The following DENND4C variants were observed in gnomAD, a reference collection of about 807,000 sequenced individuals.
DENND4C encodes the protein DENN domain-containing protein 4C.
A neutral mutation model predicts 203.0 loss-of-function variants in DENND4C; 108 were observed. That is an observed-to-expected ratio of 0.53 (90% CI 0.46 to 0.62). The LOEUF (loss-of-function observed/expected upper bound fraction) is 0.62, where lower values mean the gene tolerates loss of function less well. Among genes scored for constraint, DENND4C ranks in the 20% least tolerant of loss-of-function variants. The probability of loss-of-function intolerance (pLI) is 0.00; values close to 1 mark genes in which losing one functional copy is unlikely to be tolerated. For missense variants in DENND4C, 2,481 were observed against 2,301.2 expected (o/e 1.08, Z -1.60); for synonymous variants, 871 against 792.4 (o/e 1.10, Z -1.67).
At chr9:19,259,235 G>GC (rs1217925730) in intron 1 of DENND4C, among the ~76,000 whole-genome samples, 27 of 150,530 alleles carry the variant, frequency 1.8e-4, no homozygotes, top group African/African-American at 5.4e-4. Flanking sequence ...TCTCCATTCC[G>GC]CCCCCGCCAC....
At chr9:19,241,999 TG>T (rs1231443028) in intron 1 of DENND4C, among the ~76,000 whole-genome samples, 4 of 152,306 alleles carry the variant, frequency 2.6e-5, no homozygotes, top group East Asian at 3.9e-4. Context: ...GAGACCAGCC[TG>T]GGCAACATGT....
intron 1 of DENND4C, among the ~76,000 whole-genome samples, chr9:19,240,051 C>A (rs1823279245): frequency 6.6e-6 from 1 of 152,144 alleles, no homozygotes; most frequent in Admixed American, 6.6e-5. Context: ...GTTTATTTCT[C>A]CTTTCAGGTA....
At chr9:19,245,628 G>C (rs1157249500) in intron 1 of DENND4C, among the ~76,000 whole-genome samples, 1 of 152,050 alleles carries the variant, frequency 6.6e-6, no homozygotes, top group Non-Finnish European at 1.5e-5. Context: ...AGGCCGAGGC[G>C]GGTGGATCAC....
intron 26 of DENND4C, among the ~76,000 whole-genome samples, chr9:19,354,594 G>A (rs1290096538): frequency 8.5e-6 from 1 of 117,744 alleles, no homozygotes; most frequent in Non-Finnish European, 1.6e-5. Flanking sequence ...CACTCTTGTC[G>A]CCCAGGCTGG....
At chr9:19,356,521 G>C (rs985175380) in intron 26 of DENND4C, among the ~76,000 whole-genome samples, 1 of 151,720 alleles carries the variant, frequency 6.6e-6, no homozygotes, top group Non-Finnish European at 1.5e-5. Flanking sequence ...GAAATGATTA[G>C]AAACAAGATG....
chr9:19,256,534 C>CG (rs1828014622), intron 1 of DENND4C, among the ~76,000 whole-genome samples: 1 of 151,666 alleles, frequency 6.6e-6, no homozygotes, highest in African/African-American at 2.4e-5. Flanking sequence ...AGGCTGGTCA[C>CG]GAGCTCCCAA....
chr9:19,270,225 C>A (rs1015037525), intron 1 of DENND4C, among the ~76,000 whole-genome samples: 1 of 152,204 alleles, frequency 6.6e-6, no homozygotes, highest in African/African-American at 2.4e-5. Context: ...GAAACCAGCA[C>A]AGTACTGAGT....
At chr9:19,317,520 A>G (rs1487314465) in intron 12 of DENND4C, among the ~76,000 whole-genome samples, 3 of 152,134 alleles carry the variant, frequency 2.0e-5, no homozygotes, top group Admixed American at 2.0e-4. Context: ...ATCTATATCA[A>G]TATTTATGTG....
chr9:19,274,495 A>T (rs867275033), intron 1 of DENND4C, among the ~76,000 whole-genome samples: 3 of 152,142 alleles, frequency 2.0e-5, no homozygotes, highest in Non-Finnish European at 2.9e-5. Flanking sequence ...GGATTTCTCC[A>T]TGTTGATCAG....
intron 32 of DENND4C, 25 bp from the exon 33 acceptor site, chr9:19,372,012 C>T: frequency 6.3e-7 from 1 of 1,598,664 alleles, no homozygotes; most frequent in Non-Finnish European, 8.5e-7. Flanking sequence ...CAAATTACAA[C>T]TTCATTTTTG....
intron 5 of DENND4C, among the ~76,000 whole-genome samples, chr9:19,295,034 T>C (rs1220123536): frequency 6.6e-6 from 1 of 152,132 alleles, no homozygotes; most frequent in Non-Finnish European, 1.5e-5. Context: ...TTGAAAATGG[T>C]TAAAGTGGTA....
At chr9:19,336,487 G>A in intron 19 of DENND4C, 73 bp downstream of exon 19, 2 of 1,512,496 alleles carry the variant, frequency 1.3e-6, no homozygotes, top group Non-Finnish European at 1.8e-6. Flanking sequence ...TTTTAGCTAT[G>A]TGAAGTAGAA....
chr9:19,298,222 A>G (rs1837850590), intron 7 of DENND4C, 100 bp downstream of exon 7: 3 of 984,472 alleles, frequency 3.0e-6, no homozygotes, highest in East Asian at 2.5e-5. Flanking sequence ...GTGGAGCAAT[A>G]TGCATTCATA....
chr9:19,289,778 G>A (rs978439984), intron 4 of DENND4C, among the ~76,000 whole-genome samples: 32 of 143,880 alleles, frequency 2.2e-4, no homozygotes, highest in Admixed American at 1.5e-3. Flanking sequence ...GCAGTGAGCC[G>A]AGATCACACC....
At chr9:19,330,559 C>T (rs987523064) in intron 16 of DENND4C, among the ~76,000 whole-genome samples, 4 of 151,652 alleles carry the variant, frequency 2.6e-5, no homozygotes, top group African/African-American at 9.7e-5. Flanking sequence ...AGGATGATCT[C>T]GATCTCTTGA....
At chr9:19,237,642 C>G (rs373691841) in intron 1 of DENND4C, among the ~76,000 whole-genome samples, 1 of 152,196 alleles carries the variant, frequency 6.6e-6, no homozygotes, top group Non-Finnish European at 1.5e-5. Context: ...CAGGCGTAGC[C>G]ATCGCACCCA....
chr9:19,371,679 T>C (rs1365330000), intron 31 of DENND4C, 77 bp from the exon 32 acceptor site: 11 of 733,236 alleles, frequency 1.5e-5, no homozygotes, highest in African/African-American at 1.2e-4. Context: ...GAACTTAATG[T>C]CTTCACCATT....
chr9:19,319,391 T>TACAC (rs1842472368), intron 12 of DENND4C, among the ~76,000 whole-genome samples: 1 of 130,448 alleles, frequency 7.7e-6, no homozygotes. Context: ...CATATATATA[T>TACAC]ACATATATAT....
intron 1 of DENND4C, among the ~76,000 whole-genome samples, chr9:19,263,657 A>ATTTTTTTTTTTTTT (rs111309104): frequency 4.0e-5 from 4 of 99,314 alleles, no homozygotes. Context: ...TTTTCTTCCC[A>ATTTTTTTTTTTTTT]TTTTTTTTTT....
Sources: gnomAD v4.1 joint callset for allele counts (sites outside exome capture counted in the v4.1 genomes callset) on GRCh38, gnomAD v4.1.1 for gene constraint, MANE v1.5 for transcripts, NCBI Gene and HGNC (gene_info 2026-07-23, HGNC 2026-07-21) for gene names.